GXYLT2: variants seen among roughly 807,000 people sequenced by gnomAD.
GXYLT2 encodes the protein glucoside xylosyltransferase 2, also known as glycosyltransferase 8 domain containing 4.
A neutral mutation model predicts 45.8 loss-of-function variants in GXYLT2; 53 were observed. The observed-to-expected ratio is 1.16, with a 90% CI of 0.93 to 1.46. The LOEUF (loss-of-function observed/expected upper bound fraction) is 1.46. Among genes scored for constraint, GXYLT2 ranks in the 40% most tolerant of loss-of-function variants. GXYLT2 has a pLI of 0.00. For missense variants in GXYLT2, 551 were observed against 544.4 expected, an observed-to-expected ratio of 1.01 and a Z score of -0.12; for synonymous variants, 219 against 214.2, an observed-to-expected ratio of 1.02 and a Z score of -0.19.
At chr3:72,928,915 C>T in intron 3 of GXYLT2, 1 of 698,684 alleles carries the variant, frequency 1.4e-6, no homozygotes, top group South Asian at 1.5e-5. Context: ...CGGCGTTCGT[C>T]CCCCATCCCG....
chr3:72,888,059 C>A lies in GXYLT2; in HGVS notation c.-175C>A. Reference sequence around the variant, plus strand: ...CGCCTCCCCCTCCTCTCCTCTCTCTCCTCCTCCTTCGCCGTCGCCGCCGCC... The same window carrying A: ...CGCCTCCCCCTCCTCTCCTCTCTCTACTCCTCCTTCGCCGTCGCCGCCGCC... On this transcript the variant is annotated 5_prime_UTR_variant, in exon 1 of 7. Transcript: ENST00000389617. The A allele has an allele frequency of 5.1e-6, 1 of 196,530 alleles. No individual in the cohort carries two copies. Among genetic ancestry groups the A allele is most frequent in the Non-Finnish European group, 9.1e-6 (1 of 109,330 alleles). 12.2% of individuals were successfully genotyped at this position (196,530 alleles called of 1,614,324 possible).
At chr3:72,957,483 G>A (rs1710671624) in intron 5 of GXYLT2, 131 bp downstream of exon 5, 1 of 939,218 alleles carries the variant, frequency 1.1e-6, no homozygotes, top group Non-Finnish European at 1.5e-6. Flanking sequence ...CCCCAGCGAA[G>A]TTTGCCCTTT....
At chr3:72,961,270 A>G (rs1227542389) in intron 5 of GXYLT2, among the ~76,000 whole-genome samples, 1 of 152,190 alleles carries the variant, frequency 6.6e-6, no homozygotes, top group African/African-American at 2.4e-5. Flanking sequence ...GACAGGAACC[A>G]AAAGAGAATT....
At chr3:72,974,204 G>A (rs553553031) in intron 6 of GXYLT2, among the ~76,000 whole-genome samples, 1 of 152,274 alleles carries the variant, frequency 6.6e-6, no homozygotes, top group South Asian at 2.1e-4. Flanking sequence ...TGGTCTGAAA[G>A]ATTTATTTTG....
At chr3:72,956,531 C>A (rs992211364) in intron 4 of GXYLT2, among the ~76,000 whole-genome samples, 1 of 152,004 alleles carries the variant, frequency 6.6e-6, no homozygotes. Context: ...AGGAAATAAG[C>A]CTAAGAAAGA....
chr3:72,924,276 C>T (rs1709880270), intron 3 of GXYLT2, among the ~76,000 whole-genome samples: 1 of 151,418 alleles, frequency 6.6e-6, no homozygotes, highest in Non-Finnish European at 1.5e-5. Context: ...TTACTGCAGC[C>T]TCCAACTCCT....
chr3:72,902,906 G>C (rs1211729852), intron 1 of GXYLT2, among the ~76,000 whole-genome samples: 1 of 152,120 alleles, frequency 6.6e-6, no homozygotes, highest in East Asian at 1.9e-4. Context: ...CCAGCTACTC[G>C]GGAGGCTGAG....
At position 72,888,175 on chromosome 3, in the gene GXYLT2, G is replaced by T; in HGVS notation, c.-59G>T. The T allele has an allele frequency of 1.0e-6, 1 of 978,584 alleles. No homozygotes were observed. The highest frequency in any genetic ancestry group is 1.2e-6 in the Non-Finnish European group (1 of 826,076). 60.6% of individuals were successfully genotyped at this position (978,584 alleles called of 1,614,324 possible). On this transcript the variant is annotated 5_prime_UTR_variant, in exon 1 of 7. Transcript: ENST00000389617. ...GCGCTGCTGCACTCATCCTGCCGCC[G>T]CCGCGATGCGCAGAGGGGCCGAGCC...
intron 1 of GXYLT2, among the ~76,000 whole-genome samples, chr3:72,907,207 C>G (rs193110546): frequency 6.6e-6 from 1 of 152,324 alleles, no homozygotes; most frequent in Non-Finnish European, 1.5e-5. Context: ...CTCTCCGCAT[C>G]TGGTCTTAGC....
At chr3:72,962,112 G>A (rs1365500092) in intron 5 of GXYLT2, among the ~76,000 whole-genome samples, 1 of 152,188 alleles carries the variant, frequency 6.6e-6, no homozygotes, top group Non-Finnish European at 1.5e-5. Flanking sequence ...CTGGAGCCCT[G>A]CCCTTGAGCG....
At chr3:72,932,448 A>T (rs757868078) in intron 3 of GXYLT2, among the ~76,000 whole-genome samples, 1 of 152,192 alleles carries the variant, frequency 6.6e-6, no homozygotes. Context: ...TTTTGGTGTC[A>T]TATCTAAGAA....
chr3:72,914,392 G>A (rs1241603753), intron 2 of GXYLT2, among the ~76,000 whole-genome samples: 1 of 152,032 alleles, frequency 6.6e-6, no homozygotes, highest in African/African-American at 2.4e-5. Context: ...TTGAGATTCG[G>A]CTAAACTGTG....
chr3:72,961,395 A>G (rs1274710543), intron 5 of GXYLT2, among the ~76,000 whole-genome samples: 1 of 152,160 alleles, frequency 6.6e-6, no homozygotes, highest in Non-Finnish European at 1.5e-5. Context: ...TCTCATGATC[A>G]CACGAGTCAA....
chr3:72,971,000 C>G (rs563076564), intron 6 of GXYLT2, among the ~76,000 whole-genome samples: 1 of 152,298 alleles, frequency 6.6e-6, no homozygotes, highest in South Asian at 2.1e-4. Flanking sequence ...AAAATTTGTT[C>G]TGTGCTTAAT....
intron 3 of GXYLT2, among the ~76,000 whole-genome samples, chr3:72,939,023 T>G (rs769211437): frequency 1.2e-4 from 19 of 152,152 alleles, no homozygotes; most frequent in Non-Finnish European, 2.5e-4. Context: ...CAAAAATGAA[T>G]ATGTAAGTTA....
Position 72,948,610 on chromosome 3 carries a change from G to A in GXYLT2, c.601-6488G>A, listed in dbSNP as rs140608689. Among the ~76,000 whole-genome samples the A allele has an allele frequency of 9.3e-3, 1,412 of 152,164 alleles. 11 individuals carry two copies. Among genetic ancestry groups the A allele is most frequent in the Non-Finnish European group, 0.015 (1,034 of 67,998 alleles). On this transcript the variant is annotated intron_variant, in intron 3 of 6. Transcript: ENST00000389617. ...TCCCAGCACTTTGGGAGGCCAAGGC[G>A]GGTGGATCACGAGGTCATGAGATCG... is the stretch of plus-strand genomic sequence containing the variant.
chr3:72,931,412 G>T (rs1342608051), intron 3 of GXYLT2, among the ~76,000 whole-genome samples: 2 of 151,782 alleles, frequency 1.3e-5, no homozygotes, highest in Non-Finnish European at 2.9e-5. Context: ...TGTATTTTTA[G>T]TAGAGACGGG....
chr3:72,938,152 A>G (rs1363680134), intron 3 of GXYLT2, among the ~76,000 whole-genome samples: 1 of 152,236 alleles, frequency 6.6e-6, no homozygotes, highest in African/African-American at 2.4e-5. Context: ...CTGCACCTAC[A>G]GAAATATTTG....
intron 5 of GXYLT2, among the ~76,000 whole-genome samples, chr3:72,962,442 G>A (rs970646617): frequency 6.6e-6 from 1 of 152,150 alleles, no homozygotes; most frequent in Non-Finnish European, 1.5e-5. Flanking sequence ...AGAAGGGAGT[G>A]AAGGGGAAAA....
Sources: allele counts gnomAD v4.1 joint callset (sites outside exome capture counted in the v4.1 genomes callset), GRCh38; gene constraint gnomAD v4.1.1; transcripts MANE v1.5; gene names NCBI Gene and HGNC (gene_info 2026-07-23, HGNC 2026-07-21).